ITGA9: variants seen among roughly 807,000 people sequenced by gnomAD.
ITGA9 encodes integrin alpha-9.
Under a neutral mutation model 127.8 loss-of-function variants are expected in ITGA9, and 56 were observed. The observed-to-expected ratio is 0.44, with a 90% CI of 0.35 to 0.55. The LOEUF (loss-of-function observed/expected upper bound fraction) is 0.55. Ranked by LOEUF, ITGA9 falls within the 20% of genes least tolerant of loss-of-function variation. The pLI is 0.00. For missense variants in ITGA9, 1,196 were observed against 1,347.1 expected (o/e 0.89, Z 1.76); for synonymous variants, 508 against 514.5 (o/e 0.99, Z 0.17).
intron 15 of ITGA9, among the ~76,000 whole-genome samples, chr3:37,621,112 G>C (rs1462461276): frequency 6.6e-6 from 1 of 151,272 alleles, no homozygotes; most frequent in East Asian, 1.9e-4. Context: ...TCTTATGGTA[G>C]TGAATAAGTC....
intron 15 of ITGA9, among the ~76,000 whole-genome samples, chr3:37,557,976 A>G (rs1699447093): frequency 6.6e-6 from 1 of 152,146 alleles, no homozygotes; most frequent in Admixed American, 6.5e-5. Flanking sequence ...TTTTCTCATT[A>G]TTATTACCTA....
intron 1 of ITGA9, among the ~76,000 whole-genome samples, chr3:37,455,916 T>C (rs1698251459): frequency 6.6e-6 from 1 of 152,180 alleles, no homozygotes; most frequent in African/African-American, 2.4e-5. Flanking sequence ...GTGAATGTGC[T>C]CTGTTGGTGG....
chr3:37,533,483 A>G lies in ITGA9; in HGVS notation c.1528+15A>G. On this transcript the variant is annotated intron_variant, in intron 14 of 27. Coordinates refer to ENST00000264741, the MANE Select transcript of ITGA9 (RefSeq NM_002207.3). ...AGGAGAGATTGGTAATGAGCCACCA[A>G]GTCAGGGCTCAGGATACCCGTTTAG... 5.0e-6 allele frequency: 8 copies of G among 1,613,454 alleles called. No individual in the cohort carries two copies. The highest frequency in any genetic ancestry group is 5.9e-6 in the Non-Finnish European group (7 of 1,179,638).
At chr3:37,684,864 A>C (rs1700767110) in intron 18 of ITGA9, among the ~76,000 whole-genome samples, 2 of 152,188 alleles carry the variant, frequency 1.3e-5, no homozygotes, top group African/African-American at 2.4e-5. Flanking sequence ...AGTGAAGTTT[A>C]TATAGCATGA....
At chr3:37,611,079 C>T (rs1375051619) in intron 15 of ITGA9, among the ~76,000 whole-genome samples, 1 of 152,036 alleles carries the variant, frequency 6.6e-6, no homozygotes, top group Admixed American at 6.6e-5. Context: ...AATGTTTATA[C>T]ATGTATATTG....
chr3:37,500,814 G>A (rs1376097739), intron 5 of ITGA9, among the ~76,000 whole-genome samples: 4 of 152,212 alleles, frequency 2.6e-5, no homozygotes, highest in Non-Finnish European at 5.9e-5. Flanking sequence ...GGGACGGGGT[G>A]CAGGGGAATT....
intron 23 of ITGA9, among the ~76,000 whole-genome samples, chr3:37,772,025 C>A (rs1421330216): frequency 6.6e-6 from 1 of 152,114 alleles, no homozygotes; most frequent in Non-Finnish European, 1.5e-5. Context: ...GACGTGTGTC[C>A]CAGCCCAGTT....
At chr3:37,779,794 T>C in intron 24 of ITGA9, 108 bp from the exon 25 acceptor site, 1 of 1,046,028 alleles carries the variant, frequency 9.6e-7, no homozygotes, top group Admixed American at 1.8e-5. Flanking sequence ...TTCCTCTGCC[T>C]GGAATTGCCT....
chr3:37,699,317 C>G (rs1184228763), intron 18 of ITGA9, among the ~76,000 whole-genome samples: 1 of 152,186 alleles, frequency 6.6e-6, no homozygotes, highest in African/African-American at 2.4e-5. Flanking sequence ...CTGTCTAACA[C>G]ATTTCTCACA....
Position 37,820,002 on chromosome 3 carries a change from GT to G in ITGA9, c.*1014del. On this transcript the variant is annotated 3_prime_UTR_variant, in exon 28 of 28. Transcript: ENST00000264741. Reference sequence around the variant, plus strand: ...ACCACCCTGGCTGTCCCAGCTAGTGGTGATTGCAGATTCCTTCCCAGAGAGG... The same window carrying G: ...ACCACCCTGGCTGTCCCAGCTAGTGGGATTGCAGATTCCTTCCCAGAGAGG... 6.6e-6 allele frequency: 1 copy of G among 152,184 alleles called. No homozygotes were observed. The highest frequency in any genetic ancestry group is 6.5e-5 in the Admixed American group (1 of 15,282). 9.4% of individuals were successfully genotyped at this position (152,184 alleles called of 1,614,324 possible). A position where few individuals can be genotyped will look rare whatever the true frequency, so the allele number is the denominator to read the frequency against.
intron 23 of ITGA9, among the ~76,000 whole-genome samples, chr3:37,757,445 T>C: frequency 6.6e-6 from 1 of 151,810 alleles, no homozygotes; most frequent in East Asian, 1.9e-4. Context: ...AGAAGATCCT[T>C]GAGCCTAGGA....
At chr3:37,742,021 A>T (rs948947465) in intron 21 of ITGA9, among the ~76,000 whole-genome samples, 8 of 152,176 alleles carry the variant, frequency 5.3e-5, no homozygotes, top group Admixed American at 5.2e-4. Flanking sequence ...TGTCCCACCT[A>T]CCCACCCACC....
intron 1 of ITGA9, among the ~76,000 whole-genome samples, chr3:37,467,142 T>C (rs1027010410): frequency 6.6e-6 from 1 of 152,176 alleles, no homozygotes; most frequent in African/African-American, 2.4e-5. Flanking sequence ...GAAGCCACGA[T>C]GTTCTGTAAA....
intron 11 of ITGA9, among the ~76,000 whole-genome samples, chr3:37,521,345 G>A (rs1699042383): frequency 6.6e-6 from 1 of 152,182 alleles, no homozygotes; most frequent in Admixed American, 6.5e-5. Flanking sequence ...TATTATTTCT[G>A]CTGGGTAAAT....
chr3:37,496,295 G>A (rs1209076011), intron 5 of ITGA9, among the ~76,000 whole-genome samples: 2 of 152,090 alleles, frequency 1.3e-5, no homozygotes, highest in African/African-American at 4.8e-5. Flanking sequence ...TTCTTACCTC[G>A]CTGGAGAATC....
intron 15 of ITGA9, 107 bp downstream of exon 15, chr3:37,542,692 T>C: frequency 8.5e-7 from 1 of 1,177,090 alleles, no homozygotes; most frequent in African/African-American, 1.5e-5. Context: ...CTTCCAAAAT[T>C]TTATTTCACA....
intron 16 of ITGA9, among the ~76,000 whole-genome samples, chr3:37,634,020 A>C (rs1700253428): frequency 6.6e-6 from 1 of 152,222 alleles, no homozygotes; most frequent in African/African-American, 2.4e-5. Flanking sequence ...AAATGTGATA[A>C]AATAACCAGT....
intron 5 of ITGA9, among the ~76,000 whole-genome samples, chr3:37,501,943 G>A (rs1169358698): frequency 6.6e-6 from 1 of 152,204 alleles, no homozygotes; most frequent in Non-Finnish European, 1.5e-5. Context: ...GGAAAACAGT[G>A]TGGTCTAGAA....
At chr3:37,700,417 GATCTTGGCTCACTGCAACCTCCAC>G (rs1700933923) in intron 18 of ITGA9, among the ~76,000 whole-genome samples, 1 of 152,132 alleles carries the variant, frequency 6.6e-6, no homozygotes, top group African/African-American at 2.4e-5. Context: ...GCAGTGACAT[GATCTTGGCTCACTGCAACCTCCAC>G]CTCCCAGGCT....
Sources: allele counts gnomAD v4.1 joint callset (sites outside exome capture counted in the v4.1 genomes callset), GRCh38; gene constraint gnomAD v4.1.1; transcripts MANE v1.5; gene names NCBI Gene and HGNC (gene_info 2026-07-23, HGNC 2026-07-21).